The following GPAT4 variants were observed in gnomAD, a reference collection of about 807,000 sequenced individuals.
The protein encoded by GPAT4 is glycerol-3-phosphate acyltransferase 4.
Under a neutral mutation model 58.0 loss-of-function variants are expected in GPAT4, and 17 were observed. The ratio of observed to expected loss-of-function variants is 0.29; its 90% confidence interval spans 0.20 to 0.44. The LOEUF (loss-of-function observed/expected upper bound fraction) is 0.44. GPAT4 is among the 20% of genes least tolerant of loss of function. The pLI is 1.00. For synonymous variants in GPAT4, 204 were observed against 210.1 expected, an observed-to-expected ratio of 0.97 and a Z score of 0.25; for missense variants, 377 against 574.5, an observed-to-expected ratio of 0.66 and a Z score of 3.51.
chr8:41,609,622 C>T (rs751439102), intron 3 of GPAT4, 33 bp from the exon 4 acceptor site: 17 of 1,606,374 alleles, frequency 1.1e-5, no homozygotes, highest in East Asian at 2.2e-5. Flanking sequence ...TCTCCCCCAG[C>T]GTGCTGCTTG....
intron 2 of GPAT4, among the ~76,000 whole-genome samples, chr8:41,602,588 G>A (rs901438807): frequency 3.3e-5 from 5 of 152,216 alleles, no homozygotes; most frequent in Non-Finnish European, 7.3e-5. Flanking sequence ...CTTCTCAGTG[G>A]TCACATAGGT....
At chr8:41,579,294 A>T (rs1802448817) in intron 1 of GPAT4, among the ~76,000 whole-genome samples, 1 of 152,312 alleles carries the variant, frequency 6.6e-6, no homozygotes, top group South Asian at 2.1e-4. Context: ...CTCCTCAGCC[A>T]CTTAACTGTG....
intron 1 of GPAT4, among the ~76,000 whole-genome samples, chr8:41,585,744 C>G (rs1440909343): frequency 6.6e-6 from 1 of 152,144 alleles, no homozygotes; most frequent in African/African-American, 2.4e-5. Context: ...TTGTCTGATT[C>G]CCTGTATGTT....
At chr8:41,601,436 A>G (rs1472105085) in intron 2 of GPAT4, among the ~76,000 whole-genome samples, 1 of 152,232 alleles carries the variant, frequency 6.6e-6, no homozygotes, top group Non-Finnish European at 1.5e-5. Flanking sequence ...ATCCCTGCGG[A>G]TGGTATAACT....
chr8:41,610,003 G>A, intron 4 of GPAT4, 48 bp downstream of exon 4: 1 of 1,553,044 alleles, frequency 6.4e-7, no homozygotes, highest in Non-Finnish European at 8.7e-7. Flanking sequence ...CACCCCACGT[G>A]GTGCACAGCC....
intron 2 of GPAT4, 127 bp downstream of exon 2, chr8:41,599,431 C>A: frequency 8.8e-7 from 1 of 1,133,888 alleles, no homozygotes; most frequent in Non-Finnish European, 1.2e-6. Context: ...TGGGAAGTGG[C>A]TTTTTGAGTA....
chr8:41,597,521 A>G (rs530067305), intron 1 of GPAT4, among the ~76,000 whole-genome samples: 143 of 152,348 alleles, frequency 9.4e-4, no homozygotes, highest in African/African-American at 3.3e-3. Flanking sequence ...AAATTTAAAA[A>G]TGTGTATTTT....
At chr8:41,611,823 G>A (rs960116073) in intron 5 of GPAT4, 80 bp from the exon 6 acceptor site, 1 of 1,354,488 alleles carries the variant, frequency 7.4e-7, no homozygotes, top group Non-Finnish European at 1.0e-6. Flanking sequence ...ATAAAGGACT[G>A]CTGAGCTGTT....
rs1802873435 is a variant in GPAT4, at chr8:41,594,605, GTC to G, written c.-848-3686_-848-3685del. Among the ~76,000 whole-genome samples, 3 of 146,694 alleles carry G rather than the reference GTC, an allele frequency of 2.0e-5. No individual in the cohort carries two copies. In the East Asian group the frequency reaches 6.0e-4, roughly 29 times the overall value. ...CTGTCGCTCAGGCTGGAGTGCAGTG[GTC>G]CGATCTCGGCTCACTGCAAGCTCCG... On this transcript the variant is annotated intron_variant, in intron 1 of 12. Transcript: ENST00000396987.
At chr8:41,591,438 A>G (rs915626438) in intron 1 of GPAT4, among the ~76,000 whole-genome samples, 1 of 152,150 alleles carries the variant, frequency 6.6e-6, no homozygotes, top group Non-Finnish European at 1.5e-5. Context: ...GTAGTTGTTC[A>G]TTTCCTCCCT....
chr8:41,619,113 A>G, intron 12 of GPAT4, 136 bp downstream of exon 12: 3 of 1,079,932 alleles, frequency 2.8e-6, no homozygotes, highest in Non-Finnish European at 4.0e-6. Context: ...ACTCTCCCCG[A>G]ATTCCAACCC....
intron 2 of GPAT4, among the ~76,000 whole-genome samples, chr8:41,607,352 G>A (rs10504041): frequency 0.2 from 29,787 of 152,128 alleles, 3,020 homozygotes; most frequent in Middle Eastern, 0.26. Context: ...ACAGAACTAG[G>A]AGATGTAGAA....
rs1563277024 is a variant in GPAT4 at position 41,609,635 on chromosome 8, AG to A, written c.236-17del. ...GCTCTCCCCCAGCGTGCTGCTTGAC[AG>A]GGACACATTCTTTTGCAGGAATCAT... On this transcript the variant is annotated intron_variant, in intron 3 of 12. Coordinates refer to ENST00000396987, the MANE Select transcript of GPAT4 (RefSeq NM_178819.4). 1.2e-6 allele frequency: 2 copies of A among 1,608,440 alleles called. No individual in the cohort carries two copies. Among genetic ancestry groups the A allele is most frequent in the Non-Finnish European group, 1.7e-6 (2 of 1,176,072 alleles).
At chr8:41,592,369 T>C (rs1802812150) in intron 1 of GPAT4, among the ~76,000 whole-genome samples, 1 of 152,200 alleles carries the variant, frequency 6.6e-6, no homozygotes, top group Non-Finnish European at 1.5e-5. Flanking sequence ...TCTGTGTGAT[T>C]TGAACTCCAC....
intron 1 of GPAT4, among the ~76,000 whole-genome samples, chr8:41,579,836 CAA>C (rs71230848): frequency 7.1e-6 from 1 of 140,038 alleles, no homozygotes; most frequent in Non-Finnish European, 1.6e-5. Flanking sequence ...AGACTCGTGT[CAA>C]AAAAAAAAAG....
Position 41,609,649 on chromosome 8 carries a change from T to C in GPAT4, c.236-6T>C. 1 of 1,610,034 alleles carries C rather than the reference T, an allele frequency of 6.2e-7. No individual in the cohort carries two copies. The highest frequency in any genetic ancestry group is 8.5e-7 in the Non-Finnish European group (1 of 1,177,202). On this transcript the variant is annotated splice_region_variant and splice_polypyrimidine_tract_variant and intron_variant, in intron 3 of 12. Coordinates refer to ENST00000396987, the MANE Select transcript of GPAT4 (RefSeq NM_178819.4). ...TGCTGCTTGACAGGGACACATTCTT[T>C]TGCAGGAATCATTGCAAAGGATCCC... is the stretch of plus-strand genomic sequence containing the variant.
At chr8:41,611,713 C>T (rs1803450069) in intron 5 of GPAT4, among the ~76,000 whole-genome samples, 190 bp from the exon 6 acceptor site, 1 of 152,160 alleles carries the variant, frequency 6.6e-6, no homozygotes, top group Admixed American at 6.5e-5. Context: ...AAGTGAGTCT[C>T]CCTGTCCCCT....
At position 41,624,208 on chromosome 8, in the gene GPAT4, A is replaced by G. The variant is rs1202805467; in HGVS notation, c.*3207A>G. 1 of 151,894 alleles carries G rather than the reference A, an allele frequency of 6.6e-6. No individual in the cohort carries two copies. Among genetic ancestry groups the G allele is most frequent in the Non-Finnish European group, 1.5e-5 (1 of 67,864 alleles). The allele number at this position is 151,894 out of a possible 1,614,324, so 9.4% of individuals were successfully genotyped here. On this transcript the variant is annotated 3_prime_UTR_variant, in exon 13 of 13. Coordinates refer to ENST00000396987, the MANE Select transcript of GPAT4 (RefSeq NM_178819.4). The stretch of plus-strand genomic sequence containing the variant: ...AACCAGCCTTGGGACTTGATGCTTC[A>G]CCGTGTCAGAATCCGTCCCTGGTGC...
chr8:41,599,924 A>G (rs751444503), intron 2 of GPAT4, among the ~76,000 whole-genome samples: 1 of 152,116 alleles, frequency 6.6e-6, no homozygotes, highest in Non-Finnish European at 1.5e-5. Context: ...ATTTCATTGT[A>G]ATGTCTGTTT....
Sources: allele counts gnomAD v4.1 joint callset (sites outside exome capture counted in the v4.1 genomes callset), GRCh38; gene constraint gnomAD v4.1.1; transcripts MANE v1.5; gene names NCBI Gene and HGNC (gene_info 2026-07-23, HGNC 2026-07-21).